The following ROR1 variants were observed in gnomAD, a reference collection of about 807,000 sequenced individuals.
ROR1 encodes the protein ROR family WNT receptor 1, also known as inactive tyrosine-protein kinase transmembrane receptor ROR1.
ROR1 carries 19 observed loss-of-function variants against 78.8 expected under a neutral mutation model. That is an observed-to-expected ratio of 0.24 (90% CI 0.17 to 0.35). The LOEUF (loss-of-function observed/expected upper bound fraction) is 0.35, where lower values mean the gene tolerates loss of function less well. Among genes scored for constraint, ROR1 ranks in the 10% least tolerant of loss-of-function variants. The pLI, the probability that ROR1 is intolerant of heterozygous loss-of-function variation, is 1.00. For synonymous variants in ROR1, 386 were observed against 433.6 expected (o/e 0.89, Z 1.36); for missense variants, 917 against 1,177.8 (o/e 0.78, Z 3.24).
At chr1:63,793,719 C>T (rs1644740702) in intron 1 of ROR1, among the ~76,000 whole-genome samples, 1 of 152,308 alleles carries the variant, frequency 6.6e-6, no homozygotes, top group Non-Finnish European at 1.5e-5. Context: ...GTGGTGGTTG[C>T]TTCAGCGGTC....
chr1:63,901,463 C>G (rs1645484858), intron 1 of ROR1, among the ~76,000 whole-genome samples: 1 of 152,140 alleles, frequency 6.6e-6, no homozygotes, highest in Non-Finnish European at 1.5e-5. Flanking sequence ...GCTCAAGGGC[C>G]TGGAGTGTTC....
chr1:63,798,312 C>G (rs606562), intron 1 of ROR1, among the ~76,000 whole-genome samples: 51,366 of 152,030 alleles, frequency 0.34, 12,524 homozygotes, highest in African/African-American at 0.7. Context: ...TTCAATAAGA[C>G]GCCCCACTTT....
intron 4 of ROR1, among the ~76,000 whole-genome samples, chr1:64,112,657 T>G (rs1474397217): frequency 6.6e-6 from 1 of 152,132 alleles, no homozygotes; most frequent in Non-Finnish European, 1.5e-5. Context: ...CTCTTTTTAG[T>G]GTGCTTTGTT....
At chr1:64,108,084 G>A (rs1289763119) in intron 4 of ROR1, among the ~76,000 whole-genome samples, 2 of 151,328 alleles carry the variant, frequency 1.3e-5, no homozygotes, top group Admixed American at 6.6e-5. Context: ...GTGTGTGTGT[G>A]TGTGTGTGTG....
Position 63,799,248 on chromosome 1 carries a change from C to T in ROR1, c.91+24740C>T, listed in dbSNP as rs574258779. 6.8e-3 allele frequency among the ~76,000 whole-genome samples: 544 copies of T among 80,394 alleles called. 4 individuals are homozygous for T. Among genetic ancestry groups the T allele is most frequent in the Admixed American group, 9.0e-3 (94 of 10,418 alleles). 52.7% of individuals were successfully genotyped at this position (80,394 alleles called of 152,430 possible). ...ATAAAGTTGACATACAAACAGCTTT[C>T]ATTGTGTCATTTCCCTTCCTCAAAA... On this transcript the variant is annotated intron_variant, in intron 1 of 8. Coordinates refer to ENST00000371079, the MANE Select transcript of ROR1 (RefSeq NM_005012.4).
chr1:63,986,898 A>T (rs1646257524), intron 1 of ROR1, among the ~76,000 whole-genome samples: 3 of 152,064 alleles, frequency 2.0e-5, no homozygotes, highest in Non-Finnish European at 4.4e-5. Context: ...TCTCAAAAAA[A>T]AAAAAGAAAA....
chr1:63,937,020 G>T (rs1557571435), intron 1 of ROR1, among the ~76,000 whole-genome samples: 1 of 152,154 alleles, frequency 6.6e-6, no homozygotes, highest in Non-Finnish European at 1.5e-5. Context: ...CTGGAGCTTT[G>T]ATAGTTTTTA....
At chr1:63,872,282 A>G (rs139002742) in intron 1 of ROR1, among the ~76,000 whole-genome samples, 173 of 152,262 alleles carry the variant, frequency 1.1e-3, no homozygotes, top group African/African-American at 3.9e-3. Context: ...CTGCCTGGGA[A>G]TTCTCCACTG....
At chr1:64,098,804 G>A (rs1168374182) in intron 4 of ROR1, among the ~76,000 whole-genome samples, 1 of 152,146 alleles carries the variant, frequency 6.6e-6, no homozygotes. Context: ...GATCCTTTTA[G>A]ACTTCAGGAC....
At chr1:64,011,851 A>C (rs147492291) in intron 2 of ROR1, among the ~76,000 whole-genome samples, 306 of 152,324 alleles carry the variant, frequency 2.0e-3, no homozygotes, top group African/African-American at 7.1e-3. Flanking sequence ...ACTCTATGAA[A>C]ATTAGGATAT....
chr1:64,045,752 T>G (rs1646778520), intron 2 of ROR1, among the ~76,000 whole-genome samples: 1 of 152,180 alleles, frequency 6.6e-6, no homozygotes, highest in African/African-American at 2.4e-5. Flanking sequence ...TATGAAATCA[T>G]TATTGTTGTC....
chr1:63,805,499 T>G (rs1009427336), intron 1 of ROR1, among the ~76,000 whole-genome samples: 1 of 152,252 alleles, frequency 6.6e-6, no homozygotes, highest in African/African-American at 2.4e-5. Flanking sequence ...AGTTTATAAA[T>G]GATTGCTCCT....
intron 2 of ROR1, among the ~76,000 whole-genome samples, chr1:64,017,855 A>G (rs1432923301): frequency 6.6e-6 from 1 of 152,096 alleles, no homozygotes; most frequent in Non-Finnish European, 1.5e-5. Context: ...ATGAGGAGAG[A>G]GCTTATCTAC....
At chr1:64,077,710 A>G (rs552775783) in intron 4 of ROR1, among the ~76,000 whole-genome samples, 3 of 152,366 alleles carry the variant, frequency 2.0e-5, no homozygotes, top group African/African-American at 7.2e-5. Flanking sequence ...AGGCAGCCTC[A>G]GGGAACATTC....
chr1:63,948,775 C>T (rs1168533863), intron 1 of ROR1, among the ~76,000 whole-genome samples: 2 of 152,180 alleles, frequency 1.3e-5, no homozygotes, highest in East Asian at 3.9e-4. Flanking sequence ...CTCCCTTATT[C>T]TTTCTGCCAT....
chr1:63,883,904 A>T (rs926527886), intron 1 of ROR1, among the ~76,000 whole-genome samples: 1 of 152,312 alleles, frequency 6.6e-6, no homozygotes, highest in Non-Finnish European at 1.5e-5. Context: ...GGAGGTGAGG[A>T]AGAACACAGT....
chr1:64,098,885 C>T (rs1433844933), intron 4 of ROR1, among the ~76,000 whole-genome samples: 3 of 152,106 alleles, frequency 2.0e-5, no homozygotes, highest in Admixed American at 1.3e-4. Flanking sequence ...AAATAAATAT[C>T]GGGGCTATGG....
intron 4 of ROR1, among the ~76,000 whole-genome samples, chr1:64,116,097 C>G (rs1557659825): frequency 1.3e-5 from 2 of 152,134 alleles, no homozygotes; most frequent in Admixed American, 6.6e-5. Flanking sequence ...TGTGTTGAAA[C>G]AAATGGAAGT....
rs1649373955 is a variant in ROR1 at position 64,143,109 on chromosome 1, A to C, written c.1174+459A>C. 4 of 1,009,404 alleles carry C rather than the reference A, an allele frequency of 4.0e-6. No individual in the cohort carries two copies. In the Admixed American group the frequency reaches 2.0e-4, roughly 51 times the overall value. 62.5% of individuals were successfully genotyped at this position (1,009,404 alleles called of 1,614,324 possible). On this transcript the variant is annotated intron_variant, in intron 7 of 8. Transcript: ENST00000371079. ...GGTCATCCAGGACAATCTGTGGGTA[A>C]ACTGTGTCCTTCGTTATGTCTGTTA...
Sources: gnomAD v4.1 joint callset for allele counts (sites outside exome capture counted in the v4.1 genomes callset) on GRCh38, gnomAD v4.1.1 for gene constraint, MANE v1.5 for transcripts, NCBI Gene and HGNC (gene_info 2026-07-23, HGNC 2026-07-21) for gene names.